The following PRKAR1B variants were observed in gnomAD, a reference collection of about 807,000 sequenced individuals.
The protein encoded by PRKAR1B is protein kinase cAMP-dependent type I regulatory subunit beta.
PRKAR1B carries 22 observed loss-of-function variants against 46.5 expected under a neutral mutation model. The observed-to-expected ratio is 0.47, with a 90% CI of 0.34 to 0.68. PRKAR1B has a LOEUF of 0.68. Ranked by LOEUF, PRKAR1B falls within the 30% of genes least tolerant of loss-of-function variation. PRKAR1B has a pLI of 0.01. For synonymous variants in PRKAR1B, 259 were observed against 217.7 expected (o/e 1.19, Z -1.67); for missense variants, 445 against 535.6 (o/e 0.83, Z 1.67).
At chr7:648,892 G>A (rs565832675) in intron 4 of PRKAR1B, among the ~76,000 whole-genome samples, 99 of 152,278 alleles carry the variant, frequency 6.5e-4, no homozygotes, top group African/African-American at 2.2e-3. Context: ...GGCCAGGCAC[G>A]GTGGCTCACA....
At chr7:618,941 T>G (rs1782973253) in intron 4 of PRKAR1B, among the ~76,000 whole-genome samples, 1 of 152,214 alleles carries the variant, frequency 6.6e-6, no homozygotes, top group African/African-American at 2.4e-5. Context: ...GTTTGTGCTT[T>G]GTGGGTTTTG....
intron 4 of PRKAR1B, among the ~76,000 whole-genome samples, chr7:672,631 G>A (rs934484123): frequency 1.3e-5 from 2 of 151,972 alleles, no homozygotes; most frequent in African/African-American, 2.4e-5. Flanking sequence ...ACTTTGGGGG[G>A]CTGAGGCAGG....
rs886602431 is a variant in PRKAR1B, at chr7:638,138, A to G, written c.441-30686T>C. Among the ~76,000 whole-genome samples the G allele has an allele frequency of 2.0e-5, 3 of 152,260 alleles. No homozygotes were observed. In the South Asian group the frequency reaches 6.2e-4, roughly 32 times the overall value. On this transcript the variant is annotated intron_variant, in intron 4 of 10. Transcript: ENST00000537384. ...CGCGTGGGCACCCAGCAGGCACTTA[A>G]TAAACACCTTGGAATGAGCCTGGGA...
intron 4 of PRKAR1B, among the ~76,000 whole-genome samples, chr7:656,117 G>A (rs1785171418): frequency 6.6e-6 from 1 of 152,216 alleles, no homozygotes; most frequent in Non-Finnish European, 1.5e-5. Flanking sequence ...GCACAGAGGA[G>A]ATCCAACCAG....
intron 4 of PRKAR1B, among the ~76,000 whole-genome samples, chr7:623,294 C>T (rs1484008186): frequency 1.3e-5 from 2 of 152,226 alleles, no homozygotes; most frequent in African/African-American, 4.8e-5. Flanking sequence ...CTGGGACCCT[C>T]GGCCACACTC....
At chr7:594,413 G>A (rs369440587) in intron 7 of PRKAR1B, among the ~76,000 whole-genome samples, 1 of 152,188 alleles carries the variant, frequency 6.6e-6, no homozygotes, top group Admixed American at 6.5e-5. Flanking sequence ...AGCAGACGCT[G>A]TCCGGGGCTG....
chr7:596,411 A>C, intron 6 of PRKAR1B, 107 bp from the exon 7 acceptor site: 2 of 1,352,960 alleles, frequency 1.5e-6, no homozygotes, highest in Non-Finnish European at 2.0e-6. Context: ...GGGTCCCCGC[A>C]GGGCGGGGCA....
intron 4 of PRKAR1B, among the ~76,000 whole-genome samples, chr7:643,220 T>C (rs1425531353): frequency 6.6e-6 from 1 of 151,638 alleles, no homozygotes; most frequent in Non-Finnish European, 1.5e-5. Flanking sequence ...TCAAACTGCA[T>C]TGGCATGACA....
chr7:677,377 G>T, intron 3 of PRKAR1B, 57 bp from the exon 4 acceptor site: 1 of 1,485,056 alleles, frequency 6.7e-7, no homozygotes, highest in Non-Finnish European at 9.4e-7. Flanking sequence ...GCTGTGACGC[G>T]GCCTGAAATC....
At chr7:618,662 C>T (rs542750765) in intron 4 of PRKAR1B, among the ~76,000 whole-genome samples, 1 of 152,292 alleles carries the variant, frequency 6.6e-6, no homozygotes, top group African/African-American at 2.4e-5. Context: ...GATCTCTAAG[C>T]TCTGAGCTGC....
intron 4 of PRKAR1B, among the ~76,000 whole-genome samples, chr7:663,565 TAGAAA>T (rs72407190): frequency 0.091 from 13,761 of 151,958 alleles, 735 homozygotes; most frequent in South Asian, 0.24. Flanking sequence ...TGGTCCCTAC[TAGAAA>T]AGAAAAGGCT....
At chr7:663,348 C>T (rs532810513) in intron 4 of PRKAR1B, among the ~76,000 whole-genome samples, 3 of 152,306 alleles carry the variant, frequency 2.0e-5, no homozygotes, top group African/African-American at 7.2e-5. Flanking sequence ...CCCACCTCAG[C>T]TTCCTGAGTA....
intron 2 of PRKAR1B, among the ~76,000 whole-genome samples, chr7:709,431 C>T (rs1219430829): frequency 1.4e-5 from 2 of 142,900 alleles, no homozygotes; most frequent in African/African-American, 5.3e-5. Flanking sequence ...AGTGCAGTGG[C>T]GCCATCCTGG....
chr7:584,717 T>TAG, intron 7 of PRKAR1B, 149 bp from the exon 8 acceptor site: 1 of 688,476 alleles, frequency 1.5e-6, no homozygotes, highest in Non-Finnish European at 2.5e-6. Flanking sequence ...CGACTCGGAG[T>TAG]CTGCGTGAGC....
chr7:606,497 A>T (rs1380793198), intron 5 of PRKAR1B, among the ~76,000 whole-genome samples: 2 of 151,966 alleles, frequency 1.3e-5, no homozygotes, highest in African/African-American at 4.8e-5. Flanking sequence ...GTTTTTTTTG[A>T]GACGGAGTCA....
intron 4 of PRKAR1B, among the ~76,000 whole-genome samples, chr7:608,819 GGGCCGGGGGGCCTCCAC>G (rs1782290836): frequency 5.8e-5 from 2 of 34,670 alleles, no homozygotes; most frequent in African/African-American, 2.3e-4. Context: ...GCTGTAGGGA[GGGCCGGGGGGCCTCCAC>G]TGTCCTCCCA....
intron 9 of PRKAR1B, among the ~76,000 whole-genome samples, chr7:564,351 C>T (rs1234646987): frequency 2.0e-5 from 3 of 152,190 alleles, no homozygotes; most frequent in Non-Finnish European, 4.4e-5. Flanking sequence ...CAGCCTCAAC[C>T]TCCGCCGCCA....
At chr7:635,952 CCGGCCGCGCCCT>C (rs1160908796) in intron 4 of PRKAR1B, among the ~76,000 whole-genome samples, 5,658 of 121,250 alleles carry the variant, frequency 0.047, 734 homozygotes, top group Middle Eastern at 0.071. Context: ...ACATCCTCCA[CCGGCCGCGCCCT>C]CACGTCCTCC....
intron 8 of PRKAR1B, among the ~76,000 whole-genome samples, 181 bp downstream of exon 8, chr7:584,327 G>GACAGT (rs1396063719): frequency 1.3e-5 from 2 of 152,232 alleles, no homozygotes; most frequent in Non-Finnish European, 2.9e-5. Flanking sequence ...GCCAACAAGT[G>GACAGT]ACAGTGTGTG....
Sources: allele counts gnomAD v4.1 joint callset (sites outside exome capture counted in the v4.1 genomes callset), GRCh38; gene constraint gnomAD v4.1.1; transcripts MANE v1.5; gene names NCBI Gene and HGNC (gene_info 2026-07-23, HGNC 2026-07-21).